The following WWOX variants were observed in gnomAD, a reference collection of about 807,000 sequenced individuals.
WWOX encodes WW domain-containing oxidoreductase.
Under a neutral mutation model 46.2 loss-of-function variants are expected in WWOX, and 69 were observed. That is an observed-to-expected ratio of 1.49 (90% confidence interval 1.23 to 1.82). WWOX has a LOEUF of 1.82. Ranked by LOEUF, WWOX falls within the 40% of genes most tolerant of loss-of-function variation. WWOX has a pLI of 0.00. For synonymous variants in WWOX, 359 were observed against 202.6 expected, an observed-to-expected ratio of 1.77 and a Z score of -6.56; for missense variants, 919 against 542.6, an observed-to-expected ratio of 1.69 and a Z score of -6.89.
intron 8 of WWOX, among the ~76,000 whole-genome samples, chr16:79,211,034 A>AGGGTGTGT (rs1555547724): frequency 1.7e-4 from 26 of 149,602 alleles, no homozygotes; most frequent in African/African-American, 6.1e-4. Flanking sequence ...TATGGTGAGG[A>AGGGTGTGT]GTGTGTGTGT....
At chr16:78,381,260 T>A (rs1241897409) in intron 5 of WWOX, among the ~76,000 whole-genome samples, 2 of 152,232 alleles carry the variant, frequency 1.3e-5, no homozygotes. Flanking sequence ...CACTGTTGCA[T>A]AACAACAAGA....
rs111444080 is a variant in WWOX at position 79,142,103 on chromosome 16, G to C, written c.1057-69505G>C. Among the ~76,000 whole-genome samples, 966 of 152,166 alleles carry C rather than the reference G, an allele frequency of 6.3e-3. 9 individuals carry two copies. The highest frequency in any genetic ancestry group is 0.022 in the African/African-American group (909 of 41,506). On this transcript the variant is annotated intron_variant, in intron 8 of 8. Transcript: ENST00000566780. ...CCATCTCCTGCCCTTACTTCTTCCT[G>C]CCTGTCATTTATTTATTCTTTTCAC...
At chr16:78,256,108 C>T (rs1278305127) in intron 5 of WWOX, among the ~76,000 whole-genome samples, 4 of 144,158 alleles carry the variant, frequency 2.8e-5, no homozygotes, top group African/African-American at 1.0e-4. Context: ...CTAGACTGCA[C>T]CATTGTACTC....
At chr16:78,113,819 T>G (rs1349777178) in intron 3 of WWOX, among the ~76,000 whole-genome samples, 2 of 152,140 alleles carry the variant, frequency 1.3e-5, no homozygotes, top group African/African-American at 4.8e-5. Context: ...AAATTAAGGT[T>G]GTTATAAATA....
intron 8 of WWOX, among the ~76,000 whole-genome samples, chr16:78,746,708 T>G (rs1052150807): frequency 1.3e-5 from 2 of 152,044 alleles, no homozygotes; most frequent in Non-Finnish European, 2.9e-5. Flanking sequence ...TGCCTTTTCT[T>G]CAGCTTGGGC....
intron 8 of WWOX, among the ~76,000 whole-genome samples, chr16:78,654,897 G>T (rs148731780): frequency 3.3e-5 from 5 of 152,096 alleles, no homozygotes; most frequent in African/African-American, 1.2e-4. Flanking sequence ...GGATGCATAT[G>T]TGTATGTGTG....
At chr16:79,005,258 C>A (rs922622607) in intron 8 of WWOX, among the ~76,000 whole-genome samples, 3 of 152,148 alleles carry the variant, frequency 2.0e-5, no homozygotes, top group Non-Finnish European at 4.4e-5. Flanking sequence ...AAGAGCCGAT[C>A]TCCAGCCAAA....
At chr16:78,887,849 G>A (rs554360970) in intron 8 of WWOX, among the ~76,000 whole-genome samples, 6 of 152,288 alleles carry the variant, frequency 3.9e-5, no homozygotes, top group African/African-American at 1.4e-4. Context: ...GTGTTTAACA[G>A]TAATTGGTTC....
chr16:78,528,351 C>T (rs9927908), intron 8 of WWOX, among the ~76,000 whole-genome samples: 6,038 of 151,332 alleles, frequency 0.04, 224 homozygotes, highest in African/African-American at 0.1. Flanking sequence ...GATAGTCCAA[C>T]CTCCTGTACT....
intron 8 of WWOX, among the ~76,000 whole-genome samples, chr16:79,131,071 T>C (rs1458442180): frequency 2.6e-5 from 4 of 152,170 alleles, no homozygotes; most frequent in African/African-American, 9.7e-5. Context: ...TTTTTTTGTT[T>C]GATTTCACTC....
chr16:78,935,802 C>A (rs1242496149), intron 8 of WWOX, among the ~76,000 whole-genome samples: 2 of 152,024 alleles, frequency 1.3e-5, no homozygotes, highest in African/African-American at 2.4e-5. Flanking sequence ...ACCCCAGCTA[C>A]TTGGGAGGCT....
intron 8 of WWOX, among the ~76,000 whole-genome samples, chr16:78,571,822 C>T (rs146243093): frequency 9.9e-5 from 15 of 152,132 alleles, no homozygotes; most frequent in Admixed American, 2.0e-4. Context: ...GCTGAGATGT[C>T]GCCACTATAC....
intron 8 of WWOX, among the ~76,000 whole-genome samples, chr16:79,152,142 G>T (rs565198480): frequency 6.6e-6 from 1 of 152,282 alleles, no homozygotes; most frequent in Non-Finnish European, 1.5e-5. Flanking sequence ...TATCGATTTT[G>T]TTTCTGTCGG....
At position 78,349,877 on chromosome 16, in the gene WWOX, C is replaced by T. The variant is rs545283459; in HGVS notation, c.517-36983C>T. 3.3e-5 allele frequency among the ~76,000 whole-genome samples: 4 copies of T among 121,060 alleles called. No homozygotes were observed. In the East Asian group the frequency reaches 7.7e-4, roughly 23 times the overall value. The allele number at this position is 121,060 out of a possible 152,430, so 79.4% of individuals were successfully genotyped here. On this transcript the variant is annotated intron_variant, in intron 5 of 8. Coordinates refer to ENST00000566780, the MANE Select transcript of WWOX (RefSeq NM_016373.4). The stretch of plus-strand genomic sequence containing the variant: ...GTATTTCTGGGCTCAGCTTTTGACT[C>T]AGTCTCATTCCCCAGAAATAATCCC...
chr16:78,571,783 G>A (rs139127290), intron 8 of WWOX, among the ~76,000 whole-genome samples: 1 of 152,106 alleles, frequency 6.6e-6, no homozygotes, highest in Admixed American at 6.6e-5. Context: ...CAGGAGAATC[G>A]CTGGAACCCG....
At chr16:78,694,214 AAAAAT>A (rs952856966) in intron 8 of WWOX, among the ~76,000 whole-genome samples, 14 of 152,204 alleles carry the variant, frequency 9.2e-5, no homozygotes, top group African/African-American at 2.9e-4. Context: ...CTGTGTCTCA[AAAAAT>A]AAAATAAAAT....
chr16:78,257,899 G>A (rs2038174400), intron 5 of WWOX, among the ~76,000 whole-genome samples: 1 of 149,576 alleles, frequency 6.7e-6, no homozygotes, highest in South Asian at 2.1e-4. Context: ...CTAGAAACAG[G>A]AACTGAGTAT....
At chr16:78,194,605 A>G (rs1052230272) in intron 5 of WWOX, among the ~76,000 whole-genome samples, 1 of 149,990 alleles carries the variant, frequency 6.7e-6, no homozygotes, top group Non-Finnish European at 1.5e-5. Flanking sequence ...AAAAAAAAAA[A>G]GATTTATGTC....
chr16:78,369,938 G>T (rs1487685511), intron 5 of WWOX, among the ~76,000 whole-genome samples: 3 of 151,860 alleles, frequency 2.0e-5, no homozygotes, highest in Non-Finnish European at 4.4e-5. Context: ...TTTGAGACCA[G>T]CCTGGCCAAC....
Sources: allele counts gnomAD v4.1 joint callset (sites outside exome capture counted in the v4.1 genomes callset), GRCh38; gene constraint gnomAD v4.1.1; transcripts MANE v1.5; gene names NCBI Gene and HGNC (gene_info 2026-07-23, HGNC 2026-07-21).